PKNOX2: variants seen among roughly 807,000 people sequenced by gnomAD.
The protein encoded by PKNOX2 is homeobox protein PKNOX2.
PKNOX2 carries 14 observed loss-of-function variants against 53.1 expected under a neutral mutation model. The observed-to-expected ratio is 0.26, with a 90% confidence interval of 0.17 to 0.41. The LOEUF (loss-of-function observed/expected upper bound fraction) is 0.41. PKNOX2 is among the 10% of genes least tolerant of loss of function. PKNOX2 has a pLI of 1.00. For missense variants in PKNOX2, 496 were observed against 602.8 expected (o/e 0.82, Z 1.85); for synonymous variants, 257 against 242.8 (o/e 1.06, Z -0.54).
chr11:125,352,954 C>T lies in PKNOX2; in HGVS notation c.87+1562C>T, dbSNP rs1231431358. Among the ~76,000 whole-genome samples the T allele has an allele frequency of 6.6e-6, 1 of 152,138 alleles. No homozygotes were observed. Among genetic ancestry groups the T allele is most frequent in the Non-Finnish European group, 1.5e-5 (1 of 68,034 alleles). On this transcript the variant is annotated intron_variant, in intron 4 of 12. Coordinates refer to ENST00000298282, the MANE Select transcript of PKNOX2 (RefSeq NM_001382323.2). This position sits in a 1 kb window ranked among gnomAD's most constrained non-coding sequence, Gnocchi z 4.1. ...CTCCCGAGACAAAGTTCAGAAGGAG[C>T]CCTCAACTGATGGGAACCTTTTGCC...
intron 7 of PKNOX2, among the ~76,000 whole-genome samples, chr11:125,404,991 A>G (rs1954990315): frequency 6.6e-6 from 1 of 152,164 alleles, no homozygotes; most frequent in Non-Finnish European, 1.5e-5. Flanking sequence ...AGCCGCCAGC[A>G]CGCGCCTTCT....
At chr11:125,390,978 G>T (rs958344787) in intron 6 of PKNOX2, among the ~76,000 whole-genome samples, 1 of 152,144 alleles carries the variant, frequency 6.6e-6, no homozygotes, top group Non-Finnish European at 1.5e-5. Context: ...AAGCTGGCCT[G>T]GTCTGGAAAA....
At chr11:125,387,973 T>C (rs994700154) in intron 6 of PKNOX2, among the ~76,000 whole-genome samples, 7 of 152,030 alleles carry the variant, frequency 4.6e-5, no homozygotes, top group African/African-American at 1.5e-4. Flanking sequence ...ACAAAATTAA[T>C]GAGATGGCAC....
intron 6 of PKNOX2, among the ~76,000 whole-genome samples, chr11:125,393,172 A>AG (rs1214075296): frequency 6.6e-6 from 1 of 151,454 alleles, no homozygotes; most frequent in Non-Finnish European, 1.5e-5. Context: ...AAAAAAAAAA[A>AG]AAAGAGAGAA....
At chr11:125,346,348 G>A (rs556930511) in intron 3 of PKNOX2, among the ~76,000 whole-genome samples, 52 of 152,266 alleles carry the variant, frequency 3.4e-4, no homozygotes, top group South Asian at 2.9e-3. Flanking sequence ...AACCCTTTCC[G>A]TTCCATTCAA....
At chr11:125,224,911 T>C (rs1186271409) in intron 1 of PKNOX2, among the ~76,000 whole-genome samples, 1 of 152,240 alleles carries the variant, frequency 6.6e-6, no homozygotes, top group East Asian at 1.9e-4. Context: ...AGTGCCGTGG[T>C]GCCCTTTGGA....
intron 1 of PKNOX2, among the ~76,000 whole-genome samples, chr11:125,218,606 C>T (rs543677544): frequency 1.3e-5 from 2 of 152,218 alleles, no homozygotes; most frequent in South Asian, 2.1e-4. Context: ...TGGATGGTAT[C>T]TTGCAGGAGA....
intron 2 of PKNOX2, among the ~76,000 whole-genome samples, chr11:125,281,612 G>A (rs1946561298): frequency 6.6e-6 from 1 of 152,224 alleles, no homozygotes; most frequent in African/African-American, 2.4e-5. Context: ...CTGAGAGAAT[G>A]TAGCCGGATA....
At chr11:125,424,050 T>C (rs1662922477) in intron 10 of PKNOX2, among the ~76,000 whole-genome samples, 1 of 151,072 alleles carries the variant, frequency 6.6e-6, no homozygotes, top group South Asian at 2.1e-4. Flanking sequence ...GTAACACAGA[T>C]AGCAAAACTA....
chr11:125,178,645 A>AGAAAGAAAGAAAGAAAGAAGAAGGAAG (rs771497235), intron 1 of PKNOX2, among the ~76,000 whole-genome samples: 1 of 28,566 alleles, frequency 3.5e-5, no homozygotes, highest in Non-Finnish European at 6.2e-5. Flanking sequence ...AAAGAAAGAA[A>AGAAAGAAAGAAAGAAAGAAGAAGGAAG]GAAGGAAGGA....
intron 10 of PKNOX2, among the ~76,000 whole-genome samples, chr11:125,420,966 T>C (rs1956140100): frequency 6.6e-6 from 1 of 152,188 alleles, no homozygotes; most frequent in Non-Finnish European, 1.5e-5. Context: ...CCCTCCCGAC[T>C]TGAACACAGA....
At position 125,292,490 on chromosome 11, in the gene PKNOX2, G is replaced by A. The variant is rs551160235; in HGVS notation, c.-129-39329G>A. ...GCTGACCCTATCTGGTCCAGGTTCG[G>A]GGAATTCTTTCTGGAATTAATGTTG... On this transcript the variant is annotated intron_variant, in intron 2 of 12. Coordinates refer to ENST00000298282, the MANE Select transcript of PKNOX2 (RefSeq NM_001382323.2). 9.2e-5 allele frequency among the ~76,000 whole-genome samples: 14 copies of A among 152,276 alleles called. No individual in the cohort carries two copies. In the South Asian group the frequency reaches 2.9e-3, roughly 32 times the overall value.
intron 2 of PKNOX2, among the ~76,000 whole-genome samples, chr11:125,295,040 C>T (rs1947557955): frequency 6.6e-6 from 1 of 152,134 alleles, no homozygotes; most frequent in African/African-American, 2.4e-5. Flanking sequence ...TTGGTGGTGG[C>T]CTTCTGGAGG....
Position 125,351,408 on chromosome 11 carries a change from C to A in PKNOX2, c.87+16C>A. 4 of 1,535,644 alleles carry A rather than the reference C, an allele frequency of 2.6e-6. No individual in the cohort carries two copies. Among genetic ancestry groups the A allele is most frequent in the Non-Finnish European group, 1.8e-6 (2 of 1,113,350 alleles). On this transcript the variant is annotated intron_variant, in intron 4 of 12. Transcript: ENST00000298282. ...CAGCCCACAGGTGAGTGCGCAGGGG[C>A]CGCTGCCTCCCACCACGGGGGAGGG...
At chr11:125,350,873 G>C (rs977976525) in intron 3 of PKNOX2, among the ~76,000 whole-genome samples, 3 of 152,080 alleles carry the variant, frequency 2.0e-5, no homozygotes, top group Non-Finnish European at 1.5e-5. Flanking sequence ...AAACAGCGGG[G>C]CCAGGAGCAC....
At chr11:125,425,418 T>A (rs2135669390) in intron 10 of PKNOX2, among the ~76,000 whole-genome samples, 1 of 152,358 alleles carries the variant, frequency 6.6e-6, no homozygotes, top group South Asian at 2.1e-4. Flanking sequence ...TTTCATGAAC[T>A]GTATCTACTT....
chr11:125,432,696 C>T lies in PKNOX2; in HGVS notation c.*1304C>T, dbSNP rs1243057472. The T allele has an allele frequency of 2.6e-5, 4 of 152,766 alleles. No homozygotes were observed. The highest frequency in any genetic ancestry group is 9.6e-5 in the African/African-American group (4 of 41,460). 9.5% of individuals were successfully genotyped at this position (152,766 alleles called of 1,614,324 possible). ...ATACCCTCCCACCCACCTTCCAGAC[C>T]CCCTTGGTTGGCACCCTCTCCTCCG... On this transcript the variant is annotated 3_prime_UTR_variant, in exon 13 of 13. Transcript: ENST00000298282.
At chr11:125,254,943 A>G (rs1018363808) in intron 2 of PKNOX2, among the ~76,000 whole-genome samples, 2 of 152,110 alleles carry the variant, frequency 1.3e-5, no homozygotes, top group African/African-American at 4.8e-5. Context: ...GTGGAAAATC[A>G]CTTTACGCAC....
At chr11:125,320,959 C>T (rs1454944430) in intron 2 of PKNOX2, among the ~76,000 whole-genome samples, 1 of 152,164 alleles carries the variant, frequency 6.6e-6, no homozygotes, top group Admixed American at 6.5e-5. Flanking sequence ...CAAAATTACT[C>T]CAGTTTGGAT....
Sources: allele counts gnomAD v4.1 joint callset (sites outside exome capture counted in the v4.1 genomes callset), GRCh38; gene constraint gnomAD v4.1.1; non-coding constraint Gnocchi (gnomAD v3.1); transcripts MANE v1.5; gene names NCBI Gene and HGNC (gene_info 2026-07-23, HGNC 2026-07-21).